The following FSCN3 variants were observed in gnomAD, a reference collection of about 807,000 sequenced individuals.
FSCN3 encodes the protein fascin actin-bundling protein 3, also known as fascin-3.
FSCN3 carries 43 observed loss-of-function variants against 53.5 expected under a neutral mutation model. The ratio of observed to expected loss-of-function variants is 0.80; its 90% confidence interval spans 0.63 to 1.04. FSCN3 has a LOEUF of 1.04. FSCN3 is among the 50% of genes least tolerant of loss of function. The pLI is 0.00. For missense variants in FSCN3, 594 were observed against 646.5 expected (o/e 0.92, Z 0.88); for synonymous variants, 235 against 246.6 (o/e 0.95, Z 0.44).
intron 2 of FSCN3, 60 bp downstream of exon 2, chr7:127,596,063 A>G (rs550557390): frequency 6.7e-7 from 1 of 1,502,378 alleles, no homozygotes; most frequent in East Asian, 2.3e-5. Context: ...AAAGAGGAAA[A>G]TGTGTTTGGG....
chr7:127,600,602 G>A (rs1794458783), intron 6 of FSCN3, among the ~76,000 whole-genome samples: 1 of 152,192 alleles, frequency 6.6e-6, no homozygotes, highest in Non-Finnish European at 1.5e-5. Context: ...TTGCTAGAAA[G>A]GGGAGACAGT....
intron 1 of FSCN3, 84 bp downstream of exon 1, chr7:127,594,081 T>C (rs930252770): frequency 1.2e-5 from 18 of 1,451,476 alleles, no homozygotes; most frequent in African/African-American, 3.0e-5. Context: ...TGTGTGTGCG[T>C]GAGTGTATGT....
intron 5 of FSCN3, 80 bp downstream of exon 5, chr7:127,599,631 A>C: frequency 6.7e-6 from 9 of 1,339,656 alleles, no homozygotes; most frequent in Non-Finnish European, 9.4e-6. Context: ...AGGGCCTGCC[A>C]CTCAGGGCTT....
chr7:127,601,577 G>A (rs1042735234), intron 6 of FSCN3, 46 bp from the exon 7 acceptor site: 1 of 152,156 alleles, frequency 6.6e-6, no homozygotes, highest in Non-Finnish European at 1.5e-5. Flanking sequence ...ATCAGCAAAT[G>A]ACTGACTTGA....
intron 4 of FSCN3, 57 bp from the exon 5 acceptor site, chr7:127,599,324 A>G (rs1794436065): frequency 7.1e-7 from 1 of 1,415,190 alleles, no homozygotes; most frequent in Non-Finnish European, 9.9e-7. Flanking sequence ...TCCTGCTTCC[A>G]CTTGGGAAAA....
chr7:127,594,674 T>C, intron 1 of FSCN3: 1 of 471,104 alleles, frequency 2.1e-6, no homozygotes, highest in Non-Finnish European at 4.4e-6. Flanking sequence ...AATGGGGAAC[T>C]CCAGAAGCCC....
At chr7:127,598,342 A>C (rs1794421426) in intron 3 of FSCN3, 93 bp from the exon 4 acceptor site, 1 of 1,166,502 alleles carries the variant, frequency 8.6e-7, no homozygotes, top group South Asian at 1.2e-5. Context: ...GATGAGTGGG[A>C]TGTGGGAAGA....
chr7:127,598,849 A>C (rs943260449), intron 4 of FSCN3, among the ~76,000 whole-genome samples: 4 of 151,998 alleles, frequency 2.6e-5, no homozygotes, highest in Non-Finnish European at 5.9e-5. Context: ...AATCCCAGCT[A>C]CTTAGGAGGC....
chr7:127,593,800 A>G lies in FSCN3; in HGVS notation c.-54A>G, dbSNP rs1259630381. 6.5e-6 allele frequency: 10 copies of G among 1,544,632 alleles called. No individual in the cohort carries two copies. Among genetic ancestry groups the G allele is most frequent in the Non-Finnish European group, 8.8e-6 (10 of 1,141,954 alleles). Reference sequence around the variant, plus strand: ...CAGGCCCTATGGCCTGTGGAACCTCACCACGGGGGGGAGGGCTGGGCCAGA... The same window carrying G: ...CAGGCCCTATGGCCTGTGGAACCTCGCCACGGGGGGGAGGGCTGGGCCAGA... On this transcript the variant is annotated 5_prime_UTR_variant, in exon 1 of 7. Transcript: ENST00000265825.
chr7:127,596,044 G>A, intron 2 of FSCN3, 41 bp downstream of exon 2: 1 of 1,511,350 alleles, frequency 6.6e-7, no homozygotes, highest in African/African-American at 1.4e-5. Context: ...AGAGAGGGCT[G>A]GCTGTTAAAA....
chr7:127,600,246 G>A lies in FSCN3; in HGVS notation c.1344G>A (p.Trp448Ter). 6.2e-7 allele frequency: 1 copy of A among 1,611,280 alleles called. No homozygotes were observed. The highest frequency in any genetic ancestry group is 8.5e-7 in the Non-Finnish European group (1 of 1,177,372). Residue 448 changes from tryptophan (W) to a stop codon, truncating the protein, a stop_gained, in exon 6 of 7, where the codon TGG (tryptophan) becomes TGA (stop). Transcript: ENST00000265825. LOFTEE classifies it high-confidence loss of function. ...CATCCTTTGGCACCTTTCGCCCTTG[G>A]GGCAAGTTTGCCCTCAACTTCTGTA... ...SITSFGTFRPWGKFALNFCIE... is the reference protein window; with the variant it reads ...SITSFGTFRP
At chr7:127,594,937 G>A (rs1018123634) in intron 1 of FSCN3, 13 of 467,096 alleles carry the variant, frequency 2.8e-5, no homozygotes, top group East Asian at 1.3e-4. Flanking sequence ...TGCTCTCTGC[G>A]GACAACAGTG....
intron 2 of FSCN3, 48 bp downstream of exon 2, chr7:127,596,051 A>G (rs1447202996): frequency 6.6e-7 from 1 of 1,507,198 alleles, no homozygotes; most frequent in Admixed American, 2.3e-5. Context: ...GCTGGCTGTT[A>G]AAAAGAGGAA....
At chr7:127,599,716 C>T (rs528435622) in intron 5 of FSCN3, among the ~76,000 whole-genome samples, 165 bp downstream of exon 5, 14 of 152,162 alleles carry the variant, frequency 9.2e-5, no homozygotes, top group South Asian at 2.1e-4. Flanking sequence ...GAGGCTGAGG[C>T]GGGCAGATCA....
rs146390629 is a variant in FSCN3, at chr7:127,596,342, G to A, written c.856G>A (p.Ala286Thr). ...TTCCTCTGCAGATGGTGAGGTGCGT[G>A]CTGCTTCTGAGCGCTTAAACCGAAT... ...ISVIYDGEVRAASERLNRMSL... is the reference protein window; with the variant it reads ...ISVIYDGEVRTASERLNRMSL... The change falls in exon 3 of 7, where the codon GCT (alanine) becomes ACT (threonine). Residue 286 changes from alanine (A) to threonine (T), a missense_variant. Ala to Thr is a moderately conservative substitution (Grantham distance 58). Coordinates refer to ENST00000265825, the MANE Select transcript of FSCN3 (RefSeq NM_020369.3). The A allele has an allele frequency of 1.7e-4, 281 of 1,610,196 alleles. No homozygotes were observed. The highest frequency in any genetic ancestry group is 2.4e-4 in the Non-Finnish European group (277 of 1,176,434).
At chr7:127,594,067 C>CAT in intron 1 of FSCN3, 70 bp downstream of exon 1, 3 of 1,513,434 alleles carry the variant, frequency 2.0e-6, no homozygotes, top group East Asian at 4.7e-5. Flanking sequence ...TGTGCGCGCG[C>CAT]GCGTGTGTGT....
rs1794436619 is a variant in FSCN3 at position 127,599,372 on chromosome 7, T to C, written c.1121-9T>C. Reference sequence around the variant, plus strand: ...GCCCATCCAGATAACTCCTTCCTATTTCCTTCAGGCCCAAATGAGGAATTT... The same window carrying C: ...GCCCATCCAGATAACTCCTTCCTATCTCCTTCAGGCCCAAATGAGGAATTT... On this transcript the variant is annotated splice_polypyrimidine_tract_variant and intron_variant, in intron 4 of 6. Transcript: ENST00000265825. 1 of 1,609,762 alleles carries C rather than the reference T, an allele frequency of 6.2e-7. No homozygotes were observed. Among genetic ancestry groups the C allele is most frequent in the African/African-American group, 1.3e-5 (1 of 74,844 alleles).
In FSCN3 at chr7:127,600,233, C is replaced by A. The variant is rs778874738; in HGVS notation, c.1331C>A (p.Thr444Asn). 2 of 1,610,666 alleles carry A rather than the reference C, an allele frequency of 1.2e-6. No homozygotes were observed. The highest frequency in any genetic ancestry group is 1.7e-6 in the Non-Finnish European group (2 of 1,176,796). Residue 444 changes from threonine to asparagine, a missense_variant, in exon 6 of 7, where the codon ACC (threonine) becomes AAC (asparagine). Transcript: ENST00000265825. ...GSFWSITSFG[T>N]FRPWGKFALN... ...TTCTGGTCAATAACATCCTTTGGCA[C>A]CTTTCGCCCTTGGGGCAAGTTTGCC...
In FSCN3 at chr7:127,595,908, A is replaced by G; in HGVS notation, c.746A>G (p.Asn249Ser). 6.2e-7 allele frequency: 1 copy of G among 1,612,672 alleles called. No individual in the cohort carries two copies. Among genetic ancestry groups the G allele is most frequent in the East Asian group, 2.2e-5 (1 of 44,878 alleles). ...GTHLLLGMGCNPMRGEEWFIL... is the reference protein window; with the variant it reads ...GTHLLLGMGCSPMRGEEWFIL... ...CATCTGCTCTTGGGCATGGGCTGCA[A>G]CCCCATGAGGGGTGAGGAGTGGTTC... is the stretch of plus-strand genomic sequence containing the variant. Residue 249 changes from asparagine to serine, a missense_variant, in exon 2 of 7, where the codon AAC becomes AGC. Transcript: ENST00000265825.
Sources: gnomAD v4.1 joint callset for allele counts (sites outside exome capture counted in the v4.1 genomes callset) on GRCh38, gnomAD v4.1.1 for gene constraint, MANE v1.5 for transcripts, NCBI Gene and HGNC (gene_info 2026-07-23, HGNC 2026-07-21) for gene names.